TASP1: variants seen among roughly 807,000 people sequenced by gnomAD.
The protein encoded by TASP1 is threonine aspartase 1.
A neutral mutation model predicts 56.6 loss-of-function variants in TASP1; 16 were observed. The observed-to-expected ratio is 0.28, with a 90% CI of 0.19 to 0.43. The LOEUF (loss-of-function observed/expected upper bound fraction) is 0.43, where lower values mean the gene tolerates loss of function less well. Ranked by LOEUF, TASP1 falls within the 20% of genes least tolerant of loss-of-function variation. The pLI, the probability that TASP1 is intolerant of heterozygous loss-of-function variation, is 1.00. For synonymous variants in TASP1, 179 were observed against 184.2 expected (o/e 0.97, Z 0.23); for missense variants, 393 against 511.6 (o/e 0.77, Z 2.24).
intron 12 of TASP1, 71 bp from the exon 13 acceptor site, chr20:13,417,592 G>A (rs2146067613): frequency 6.5e-7 from 1 of 1,541,926 alleles, no homozygotes; most frequent in African/African-American, 1.4e-5. Flanking sequence ...CTTTTTAATA[G>A]AACAGTTAAA....
At chr20:13,380,040 T>C in the TASP1 span, among the ~76,000 whole-genome samples, 10 of 152,196 alleles carry the variant, frequency 6.6e-5, no homozygotes, top group African/African-American at 2.2e-4. Flanking sequence ...TTGGAGGAGT[T>C]TGTTATTACC....
chr20:13,536,325 A>T lies in TASP1; in HGVS notation c.676-2184T>A, dbSNP rs115803051. 5.1e-3 allele frequency among the ~76,000 whole-genome samples: 771 copies of T among 152,340 alleles called. 4 individuals carry two copies. The highest frequency in any genetic ancestry group is 0.012 in the East Asian group (60 of 5,184). On this transcript the variant is annotated intron_variant, in intron 8 of 13. Coordinates refer to ENST00000337743, the MANE Select transcript of TASP1 (RefSeq NM_017714.3). ...CTGAAGCAAACTATTTATAGGCACA[A>T]ATCTGCTGAAGGAGAAACTTAAACT...
At chr20:13,291,920 T>C in the TASP1 span, among the ~76,000 whole-genome samples, 2 of 152,200 alleles carry the variant, frequency 1.3e-5, no homozygotes, top group Non-Finnish European at 2.9e-5. Flanking sequence ...GTTCTTCCCA[T>C]TTACAGATGT....
chr20:13,566,070 A>G (rs2046518216), intron 7 of TASP1, among the ~76,000 whole-genome samples: 1 of 152,200 alleles, frequency 6.6e-6, no homozygotes, highest in Non-Finnish European at 1.5e-5. Context: ...AAGTCATGCT[A>G]AGTGAAATAA....
chr20:13,335,998 G>T, the TASP1 span, among the ~76,000 whole-genome samples: 1 of 152,040 alleles, frequency 6.6e-6, no homozygotes, highest in Admixed American at 6.5e-5. Flanking sequence ...GACAATAAAA[G>T]ATGAAAAATT....
intron 12 of TASP1, among the ~76,000 whole-genome samples, chr20:13,423,788 G>A (rs904588653): frequency 6.6e-6 from 1 of 152,010 alleles, no homozygotes; most frequent in African/African-American, 2.4e-5. Flanking sequence ...ATTTTTTAAT[G>A]CCTCTAAAAA....
At chr20:13,375,956 T>G in the TASP1 span, among the ~76,000 whole-genome samples, 3 of 152,114 alleles carry the variant, frequency 2.0e-5, no homozygotes, top group African/African-American at 7.2e-5. Flanking sequence ...TTTAAGTTCC[T>G]TGTAGATTCT....
intron 11 of TASP1, among the ~76,000 whole-genome samples, chr20:13,462,457 T>G (rs545508515): frequency 3.9e-5 from 6 of 152,288 alleles, no homozygotes; most frequent in Non-Finnish European, 8.8e-5. Context: ...TTGATTTTGA[T>G]AGTAGTTTGA....
At chr20:13,381,725 T>C in the TASP1 span, among the ~76,000 whole-genome samples, 1 of 152,236 alleles carries the variant, frequency 6.6e-6, no homozygotes, top group Non-Finnish European at 1.5e-5. Flanking sequence ...AGGGCATCAG[T>C]GCTCTTTTCT....
At chr20:13,615,144 C>T (rs996927908) in intron 4 of TASP1, among the ~76,000 whole-genome samples, 2 of 152,094 alleles carry the variant, frequency 1.3e-5, no homozygotes, top group African/African-American at 4.8e-5. Flanking sequence ...AAAAGACTTC[C>T]AACCCACTAG....
At chr20:13,242,714 G>A in the TASP1 span, among the ~76,000 whole-genome samples, 1 of 152,094 alleles carries the variant, frequency 6.6e-6, no homozygotes, top group Non-Finnish European at 1.5e-5. Flanking sequence ...TGCTTATTAA[G>A]GTTGGTATAA....
chr20:13,563,620 A>G (rs1316793236), intron 7 of TASP1, among the ~76,000 whole-genome samples: 2 of 152,092 alleles, frequency 1.3e-5, no homozygotes, highest in Non-Finnish European at 2.9e-5. Context: ...ATGAAAATCA[A>G]TGTTATACAC....
the TASP1 span, among the ~76,000 whole-genome samples, chr20:13,341,752 GTTC>G: frequency 6.6e-6 from 1 of 152,162 alleles, no homozygotes; most frequent in Non-Finnish European, 1.5e-5. Flanking sequence ...GAGTTGGTTG[GTTC>G]TTCTCATCTG....
chr20:13,335,548 G>T, the TASP1 span, among the ~76,000 whole-genome samples: 1 of 151,970 alleles, frequency 6.6e-6, no homozygotes, highest in African/African-American at 2.4e-5. Context: ...GCGATCTGCA[G>T]AGTCTCCAGC....
intron 8 of TASP1, among the ~76,000 whole-genome samples, chr20:13,549,330 G>T (rs887800044): frequency 2.6e-5 from 4 of 152,052 alleles, no homozygotes; most frequent in African/African-American, 4.8e-5. Context: ...CTGAACCAAG[G>T]CTTTAAAAAG....
chr20:13,325,167 G>A, the TASP1 span, among the ~76,000 whole-genome samples: 1 of 152,206 alleles, frequency 6.6e-6, no homozygotes, highest in Admixed American at 6.5e-5. Flanking sequence ...CAAATGGGGT[G>A]AGGTGGGGGG....
the TASP1 span, among the ~76,000 whole-genome samples, chr20:13,226,825 A>G: frequency 1.3e-5 from 2 of 152,246 alleles, no homozygotes; most frequent in African/African-American, 2.4e-5. Flanking sequence ...GCTGTATTCT[A>G]TTAGCCAAAC....
the TASP1 span, among the ~76,000 whole-genome samples, chr20:13,218,020 C>T: frequency 2.0e-5 from 3 of 151,956 alleles, no homozygotes; most frequent in Admixed American, 1.3e-4. Context: ...GAGGCCGAAG[C>T]GGGTGGATCA....
the TASP1 span, among the ~76,000 whole-genome samples, chr20:13,183,911 C>T: frequency 6.6e-6 from 1 of 151,622 alleles, no homozygotes; most frequent in African/African-American, 2.4e-5. Context: ...TGCCTGTAAT[C>T]GCAGCTACTC....
Sources: allele counts gnomAD v4.1 joint callset (sites outside exome capture counted in the v4.1 genomes callset), GRCh38; gene constraint gnomAD v4.1.1; transcripts MANE v1.5; gene names NCBI Gene and HGNC (gene_info 2026-07-23, HGNC 2026-07-21).